The following MAN2A1 variants were observed in gnomAD, a reference collection of about 807,000 sequenced individuals.
MAN2A1 encodes the protein mannosidase alpha class 2A member 1.
In MAN2A1, 76 loss-of-function variants were observed where a neutral mutation model predicts 142.6. That is an observed-to-expected ratio of 0.53 (90% CI 0.44 to 0.65). The LOEUF (loss-of-function observed/expected upper bound fraction) is 0.65, where lower values mean the gene tolerates loss of function less well. MAN2A1 is among the 30% of genes least tolerant of loss of function. The pLI is 0.00. For missense variants in MAN2A1, 1,311 were observed against 1,365.1 expected (o/e 0.96, Z 0.62); for synonymous variants, 559 against 473.2 (o/e 1.18, Z -2.35).
intron 1 of MAN2A1, among the ~76,000 whole-genome samples, chr5:109,704,615 G>A (rs570953687): frequency 6.6e-6 from 1 of 152,120 alleles, no homozygotes; most frequent in Non-Finnish European, 1.5e-5. Context: ...AGGGTTACCT[G>A]TCATTTTATC....
At chr5:109,795,171 G>C (rs2112687094) in intron 12 of MAN2A1, among the ~76,000 whole-genome samples, 1 of 152,190 alleles carries the variant, frequency 6.6e-6, no homozygotes, top group African/African-American at 2.4e-5. Flanking sequence ...TTTGGTGTTT[G>C]CCATTCCAAT....
At chr5:109,760,295 T>A (rs189183792) in intron 5 of MAN2A1, among the ~76,000 whole-genome samples, 145 of 152,286 alleles carry the variant, frequency 9.5e-4, no homozygotes, top group African/African-American at 2.9e-3. Flanking sequence ...TTCATTCATA[T>A]CCCTGCAAAG....
intron 2 of MAN2A1, 41 bp downstream of exon 2, chr5:109,713,815 T>G (rs1315300989): frequency 3.8e-6 from 6 of 1,559,956 alleles, no homozygotes; most frequent in Non-Finnish European, 2.6e-6. Flanking sequence ...CCTTTTTTTT[T>G]TTTTGTTCTT....
In MAN2A1 at chr5:109,834,352, A is replaced by T. The variant is rs575457429; in HGVS notation, c.2567-7976A>T. On this transcript the variant is annotated intron_variant, in intron 16 of 21. Transcript: ENST00000261483. ...GACCTTATTTATTTTATCTATTTTG[A>T]GGTTAAAACTGATGTCGGTATTATG... Among the ~76,000 whole-genome samples, 3 of 152,180 alleles carry T rather than the reference A, an allele frequency of 2.0e-5. No homozygotes were observed. In the East Asian group the frequency reaches 5.8e-4, roughly 29 times the overall value.
chr5:109,820,082 C>T, intron 14 of MAN2A1, 138 bp from the exon 15 acceptor site: 1 of 839,454 alleles, frequency 1.2e-6, no homozygotes, highest in Non-Finnish European at 1.8e-6. Context: ...GGTGGCGCTA[C>T]TCCGTGGTCT....
chr5:109,793,482 A>C (rs1451757962), intron 12 of MAN2A1, among the ~76,000 whole-genome samples: 1 of 152,128 alleles, frequency 6.6e-6, no homozygotes, highest in Non-Finnish European at 1.5e-5. Flanking sequence ...CCAGATATGC[A>C]TAGAAGAACA....
chr5:109,775,045 C>A, intron 8 of MAN2A1, 80 bp downstream of exon 8: 1 of 910,776 alleles, frequency 1.1e-6, no homozygotes, highest in Non-Finnish European at 1.7e-6. Flanking sequence ...AAATCCTTAG[C>A]TTCTTTGTCC....
intron 1 of MAN2A1, among the ~76,000 whole-genome samples, chr5:109,705,242 T>C (rs1751097614): frequency 6.6e-6 from 1 of 152,178 alleles, no homozygotes; most frequent in Non-Finnish European, 1.5e-5. Context: ...AACTGCAGTC[T>C]TTTACTCCAT....
In MAN2A1 at chr5:109,748,401, CTT is replaced by C. The variant is rs11343270; in HGVS notation, c.708-6915_708-6914del. 4.1e-3 allele frequency among the ~76,000 whole-genome samples: 554 copies of C among 133,656 alleles called. 5 individuals are homozygous for C. The highest frequency in any genetic ancestry group is 0.013 in the African/African-American group (467 of 37,346). 87.7% of individuals were successfully genotyped at this position (133,656 alleles called of 152,430 possible). The stretch of plus-strand genomic sequence containing the variant: ...GAAATATCTGCATTGTATCTTTTGC[CTT>C]TTTTTTTTTTTTGCATTATCAGTAC... On this transcript the variant is annotated intron_variant, in intron 4 of 21. Transcript: ENST00000261483.
At chr5:109,849,446 A>G (rs934848775) in intron 19 of MAN2A1, among the ~76,000 whole-genome samples, 2 of 152,060 alleles carry the variant, frequency 1.3e-5, no homozygotes, top group Non-Finnish European at 2.9e-5. Context: ...CCCCCAGTCA[A>G]CAGCCACCGC....
At chr5:109,860,178 T>G (rs1755720205) in intron 20 of MAN2A1, among the ~76,000 whole-genome samples, 1 of 152,114 alleles carries the variant, frequency 6.6e-6, no homozygotes, top group African/African-American at 2.4e-5. Context: ...CCCTAGCTTC[T>G]GGAAAGGTGA....
At chr5:109,711,632 T>A (rs1751303986) in intron 1 of MAN2A1, among the ~76,000 whole-genome samples, 1 of 152,208 alleles carries the variant, frequency 6.6e-6, no homozygotes, top group Non-Finnish European at 1.5e-5. Flanking sequence ...TCTACATGGT[T>A]CAACTAGCTT....
intron 12 of MAN2A1, among the ~76,000 whole-genome samples, chr5:109,793,994 A>G (rs919475223): frequency 2.6e-5 from 4 of 152,136 alleles, no homozygotes; most frequent in African/African-American, 7.2e-5. Flanking sequence ...TTATCAATAT[A>G]TTTTTATACC....
chr5:109,811,815 T>C (rs528021207), intron 12 of MAN2A1, among the ~76,000 whole-genome samples: 3 of 152,290 alleles, frequency 2.0e-5, no homozygotes, highest in Non-Finnish European at 4.4e-5. Flanking sequence ...TTCTCTCCTT[T>C]CTTTGCTTGC....
chr5:109,729,406 C>T lies in MAN2A1; in HGVS notation c.600C>T (p.Val200=), dbSNP rs146703170. 1.9e-6 allele frequency: 3 copies of T among 1,605,354 alleles called. No homozygotes were observed. The highest frequency in any genetic ancestry group is 2.6e-6 in the Non-Finnish European group (3 of 1,175,406). Residue 200 remains valine (V), a synonymous_variant, in exon 4 of 22, where the codon GTC becomes GTT. Transcript: ENST00000261483. ...DKTQYIFNNM[V]LKLKEDSRRK... is the part of the protein sequence containing the mutation. ...CTCAGTATATTTTTAATAACATGGTCCTAAAGCTGAAAGAAGACTCACGGA... is the reference window on the plus strand; with the variant it reads ...CTCAGTATATTTTTAATAACATGGTTCTAAAGCTGAAAGAAGACTCACGGA...
rs961774095 is a variant in MAN2A1, at chr5:109,869,276, GT to G, written c.*2280del. 1 of 152,146 alleles carries G rather than the reference GT, an allele frequency of 6.6e-6. No individual in the cohort carries two copies. The highest frequency in any genetic ancestry group is 2.4e-5 in the African/African-American group (1 of 41,430). 9.4% of individuals were successfully genotyped at this position (152,146 alleles called of 1,614,324 possible). A position where few individuals can be genotyped will look rare whatever the true frequency, so the allele number is the denominator to read the frequency against. ...TTTCGTTACATTTATTATTACAGAT[GT>G]TCAGTTGACCAAGTAGTTCAGTGTT... On this transcript the variant is annotated 3_prime_UTR_variant, in exon 22 of 22. Coordinates refer to ENST00000261483, the MANE Select transcript of MAN2A1 (RefSeq NM_002372.4).
chr5:109,836,773 A>T (rs1445779723), intron 16 of MAN2A1, among the ~76,000 whole-genome samples: 1 of 152,150 alleles, frequency 6.6e-6, no homozygotes, highest in African/African-American at 2.4e-5. Context: ...CACATTACAG[A>T]TATAAAGTAA....
intron 16 of MAN2A1, among the ~76,000 whole-genome samples, chr5:109,828,104 C>CA (rs751087391): frequency 0.022 from 2,027 of 92,596 alleles, 33 homozygotes; most frequent in African/African-American, 0.063. Context: ...GACTCTGTCT[C>CA]AAAAAAAAAA....
At chr5:109,857,165 G>A (rs1755646057) in intron 20 of MAN2A1, among the ~76,000 whole-genome samples, 1 of 152,192 alleles carries the variant, frequency 6.6e-6, no homozygotes, top group South Asian at 2.1e-4. Flanking sequence ...CCTGAGGCCG[G>A]AGAGATATGT....
Sources: allele counts gnomAD v4.1 joint callset (sites outside exome capture counted in the v4.1 genomes callset), GRCh38; gene constraint gnomAD v4.1.1; transcripts MANE v1.5; gene names NCBI Gene and HGNC (gene_info 2026-07-23, HGNC 2026-07-21).